Variants in QRICH1 observed in about 807,000 individuals in gnomAD.
QRICH1 encodes transcriptional regulator QRICH1.
QRICH1 carries 16 observed loss-of-function variants against 87.1 expected under a neutral mutation model. The observed-to-expected ratio is 0.18, with a 90% confidence interval of 0.12 to 0.28. The LOEUF is 0.28. Among genes scored for constraint, QRICH1 ranks in the 10% least tolerant of loss-of-function variants. QRICH1 has a pLI of 1.00. For missense variants in QRICH1, 647 were observed against 951.7 expected (o/e 0.68, Z 4.21); for synonymous variants, 367 against 368.4 (o/e 1.00, Z 0.05).
intron 6 of QRICH1, among the ~76,000 whole-genome samples, chr3:49,043,832 CAAACA>C (rs922997296): frequency 6.6e-6 from 1 of 152,146 alleles, no homozygotes; most frequent in African/African-American, 2.4e-5. Flanking sequence ...GACTCCGTTT[CAAACA>C]AAACAAAACA....
chr3:49,072,521 G>T (rs1232249929), intron 2 of QRICH1, among the ~76,000 whole-genome samples: 1 of 148,294 alleles, frequency 6.7e-6, no homozygotes, highest in East Asian at 2.0e-4. Context: ...ATGAGACCCT[G>T]TCTCCATTAC....
intron 2 of QRICH1, among the ~76,000 whole-genome samples, chr3:49,068,490 G>A (rs999948860): frequency 6.6e-6 from 1 of 151,136 alleles, no homozygotes; most frequent in Non-Finnish European, 1.5e-5. Context: ...AAATTAGTTG[G>A]GCGTAGTAGC....
At chr3:49,042,103 C>CG (rs1282564561) in intron 6 of QRICH1, among the ~76,000 whole-genome samples, 2 of 39,886 alleles carry the variant, frequency 5.0e-5, no homozygotes, top group Admixed American at 2.1e-4. Context: ...GGCGGGGGGG[C>CG]GGGGGTGGCA....
chr3:49,053,214 C>T (rs567069704), intron 3 of QRICH1, among the ~76,000 whole-genome samples: 4 of 152,168 alleles, frequency 2.6e-5, no homozygotes, highest in South Asian at 4.2e-4. Flanking sequence ...CTCGGCCAGG[C>T]GCGGTGGCTC....
intron 3 of QRICH1, among the ~76,000 whole-genome samples, chr3:49,053,077 G>C (rs2093380481): frequency 6.6e-6 from 1 of 152,088 alleles, no homozygotes; most frequent in African/African-American, 2.4e-5. Flanking sequence ...GAACCCTCAG[G>C]AACATCAACA....
chr3:49,056,072 T>C (rs1559936670), intron 3 of QRICH1, among the ~76,000 whole-genome samples: 1 of 151,882 alleles, frequency 6.6e-6, no homozygotes, highest in Non-Finnish European at 1.5e-5. Flanking sequence ...GCCTCCTGGG[T>C]TCAAGTGATT....
chr3:49,055,839 C>G (rs1226629289), intron 3 of QRICH1, among the ~76,000 whole-genome samples: 1 of 151,964 alleles, frequency 6.6e-6, no homozygotes, highest in Non-Finnish European at 1.5e-5. Context: ...CCACCACACC[C>G]GGCTAATTTT....
chr3:49,031,335 C>A (rs2093237744), intron 9 of QRICH1, among the ~76,000 whole-genome samples: 1 of 152,060 alleles, frequency 6.6e-6, no homozygotes, highest in Non-Finnish European at 1.5e-5. Flanking sequence ...CAGTGGGGCC[C>A]TAAACTTGGG....
At chr3:49,046,276 A>AC (rs1164638622) in intron 5 of QRICH1, 149 bp downstream of exon 5, 5 of 903,524 alleles carry the variant, frequency 5.5e-6, no homozygotes, top group Middle Eastern at 5.1e-4. Context: ...AAAAAAAAAA[A>AC]AACAACAAAT....
chr3:49,082,780 A>G lies in QRICH1; in HGVS notation c.-21-5742T>C, dbSNP rs1377663862. The stretch of plus-strand genomic sequence containing the variant: ...CGTGGTGGCAGGCGCCTGTAGTCCC[A>G]GCTACTCGGGAGGCTGAGGCAGGAG... On this transcript the variant is annotated intron_variant, in intron 1 of 9. Transcript: ENST00000395443. Among the ~76,000 whole-genome samples the G allele has an allele frequency of 2.0e-4, 30 of 151,770 alleles. 2 individuals carry two copies. The highest frequency in any genetic ancestry group is 8.8e-5 in the Non-Finnish European group (6 of 67,958).
At chr3:49,068,916 C>G (rs1283827527) in intron 2 of QRICH1, among the ~76,000 whole-genome samples, 1 of 151,778 alleles carries the variant, frequency 6.6e-6, no homozygotes, top group African/African-American at 2.4e-5. Context: ...CAGGCATGAG[C>G]AACCACACCC....
chr3:49,069,534 T>C (rs1480282764), intron 2 of QRICH1, among the ~76,000 whole-genome samples: 1 of 136,404 alleles, frequency 7.3e-6, no homozygotes, highest in Non-Finnish European at 1.5e-5. Context: ...TACAGATCCA[T>C]GGGGGGGAAT....
intron 1 of QRICH1, among the ~76,000 whole-genome samples, chr3:49,092,954 G>T (rs1341853543): frequency 1.3e-5 from 2 of 152,212 alleles, no homozygotes; most frequent in Non-Finnish European, 2.9e-5. Flanking sequence ...TTACGCAAAA[G>T]AAAAGCTGCG....
At chr3:49,034,566 T>C (rs2093263041) in intron 6 of QRICH1, among the ~76,000 whole-genome samples, 1 of 152,288 alleles carries the variant, frequency 6.6e-6, no homozygotes, top group African/African-American at 2.4e-5. Context: ...CTCCTGCCAG[T>C]TTCCTGAGCA....
intron 3 of QRICH1, among the ~76,000 whole-genome samples, chr3:49,051,942 T>C (rs945350035): frequency 3.3e-5 from 5 of 152,218 alleles, no homozygotes; most frequent in Admixed American, 6.5e-5. Flanking sequence ...GAGGCAATAA[T>C]GCAACCCAGG....
At chr3:49,075,871 G>T (rs901465428) in intron 2 of QRICH1, among the ~76,000 whole-genome samples, 5 of 151,882 alleles carry the variant, frequency 3.3e-5, no homozygotes, top group African/African-American at 1.2e-4. Context: ...GAACCCGGGG[G>T]ACAGAGGCAA....
At chr3:49,070,114 T>C (rs1331649399) in intron 2 of QRICH1, among the ~76,000 whole-genome samples, 1 of 152,006 alleles carries the variant, frequency 6.6e-6, no homozygotes, top group Non-Finnish European at 1.5e-5. Context: ...CTCAGCTCAC[T>C]GCAACCTTGG....
intron 2 of QRICH1, among the ~76,000 whole-genome samples, chr3:49,060,428 C>T (rs1332641707): frequency 6.6e-6 from 1 of 152,066 alleles, no homozygotes; most frequent in African/African-American, 2.4e-5. Context: ...CTCCTGACCT[C>T]GTGATCTGCC....
chr3:49,084,253 TTTTTTA>T (rs1164445705), intron 1 of QRICH1, among the ~76,000 whole-genome samples: 6 of 151,768 alleles, frequency 4.0e-5, no homozygotes, highest in Non-Finnish European at 7.4e-5. Context: ...GCCTAAATTC[TTTTTTA>T]TTTTTATTTT....
Sources: allele counts gnomAD v4.1 joint callset (sites outside exome capture counted in the v4.1 genomes callset), GRCh38; gene constraint gnomAD v4.1.1; transcripts MANE v1.5; gene names NCBI Gene and HGNC (gene_info 2026-07-23, HGNC 2026-07-21).